Variants in TMEM232 observed in about 807,000 individuals in gnomAD.
TMEM232 encodes transmembrane protein 232.
TMEM232 carries 80 observed loss-of-function variants against 78.8 expected under a neutral mutation model. The ratio of observed to expected loss-of-function variants is 1.01; its 90% confidence interval spans 0.85 to 1.22. The LOEUF (loss-of-function observed/expected upper bound fraction) is 1.22. TMEM232 is among the 50% of genes most tolerant of loss of function. The probability of loss-of-function intolerance (pLI) is 0.00; values close to 1 mark genes in which losing one functional copy is unlikely to be tolerated. For synonymous variants in TMEM232, 297 were observed against 254.3 expected (o/e 1.17, Z -1.60); for missense variants, 881 against 742.2 (o/e 1.19, Z -2.17).
intron 5 of TMEM232, 104 bp from the exon 6 acceptor site, chr5:110,627,984 A>C: frequency 1.3e-6 from 1 of 768,876 alleles, no homozygotes; most frequent in Non-Finnish European, 2.1e-6. Context: ...CTTTTGAGAA[A>C]ACAATTTTAA....
At chr5:110,694,715 T>C (rs1794556219) in intron 1 of TMEM232, among the ~76,000 whole-genome samples, 2 of 151,834 alleles carry the variant, frequency 1.3e-5, no homozygotes, top group South Asian at 2.1e-4. Flanking sequence ...AGAAGGCCAT[T>C]ACATAATGGT....
rs1368826981 is a variant in TMEM232 at position 110,605,129 on chromosome 5, G to A, written c.1256C>T (p.Ser419Phe). The A allele has an allele frequency of 3.9e-6, 6 of 1,542,566 alleles. No individual in the cohort carries two copies. In the African/African-American group the frequency reaches 5.5e-5, roughly 14 times the overall value. ...TSILSLLEYF[S>F]SKMSENCDQV... Reference sequence around the variant, plus strand: ...CTTACAGTTCTCTGACATTTTTGAAGAGAAATATTCCAAAAGACTTAAAAT... The same window carrying A: ...CTTACAGTTCTCTGACATTTTTGAAAAGAAATATTCCAAAAGACTTAAAAT... The change falls in exon 10 of 14, where the codon TCT becomes TTT. Residue 419 changes from serine (S) to phenylalanine (F), a missense_variant. Coordinates refer to ENST00000455884, the MANE Select transcript of TMEM232 (RefSeq NM_001039763.4).
intron 2 of TMEM232, among the ~76,000 whole-genome samples, chr5:110,654,631 G>T (rs1788781340): frequency 6.6e-6 from 1 of 152,118 alleles, no homozygotes; most frequent in African/African-American, 2.4e-5. Flanking sequence ...GGTGATGTGG[G>T]CTCTTTTTTG....
At chr5:110,528,301 T>C (rs916257120) in intron 12 of TMEM232, among the ~76,000 whole-genome samples, 2 of 151,930 alleles carry the variant, frequency 1.3e-5, no homozygotes, top group African/African-American at 2.4e-5. Flanking sequence ...TCTTAAAATT[T>C]TGAATATTGA....
chr5:110,446,082 C>T (rs572508275), intron 12 of TMEM232, among the ~76,000 whole-genome samples: 1 of 152,232 alleles, frequency 6.6e-6, no homozygotes, highest in Non-Finnish European at 1.5e-5. Flanking sequence ...GAAGCCATTT[C>T]CTTGGCAGAA....
At chr5:110,737,052 T>C (rs1799251894) in intron 1 of TMEM232, among the ~76,000 whole-genome samples, 2 of 150,954 alleles carry the variant, frequency 1.3e-5, no homozygotes, top group African/African-American at 4.9e-5. Context: ...GCTTTTTTAA[T>C]ACAATCATGT....
intron 11 of TMEM232, among the ~76,000 whole-genome samples, chr5:110,559,385 T>C (rs1306507690): frequency 6.6e-6 from 1 of 152,112 alleles, no homozygotes; most frequent in Non-Finnish European, 1.5e-5. Context: ...TGAAATTAAA[T>C]TATTAACAGC....
At chr5:110,439,802 C>A (rs1209112275) in intron 12 of TMEM232, among the ~76,000 whole-genome samples, 1 of 152,084 alleles carries the variant, frequency 6.6e-6, no homozygotes, top group African/African-American at 2.4e-5. Context: ...CTGCCCCATT[C>A]GCAGACACAG....
At chr5:110,517,156 C>A (rs1317714845) in intron 12 of TMEM232, among the ~76,000 whole-genome samples, 1 of 152,082 alleles carries the variant, frequency 6.6e-6, no homozygotes, top group African/African-American at 2.4e-5. Context: ...AAAGACCTTT[C>A]AGGGATGAAA....
At chr5:110,492,979 T>C (rs17312117) in intron 12 of TMEM232, among the ~76,000 whole-genome samples, 11,094 of 151,860 alleles carry the variant, frequency 0.073, 891 homozygotes, top group African/African-American at 0.2. Context: ...TGTGCTATGA[T>C]TGATAACTAT....
chr5:110,725,359 C>T (rs1798049067), intron 1 of TMEM232, among the ~76,000 whole-genome samples: 1 of 152,202 alleles, frequency 6.6e-6, no homozygotes, highest in Non-Finnish European at 1.5e-5. Flanking sequence ...AGAACATCAT[C>T]TCCTAGAACT....
intron 5 of TMEM232, among the ~76,000 whole-genome samples, chr5:110,633,771 C>G (rs1785456638): frequency 6.6e-6 from 1 of 152,066 alleles, no homozygotes; most frequent in African/African-American, 2.4e-5. Context: ...TCAGGTGTTT[C>G]TTTATAGCAG....
chr5:110,548,714 A>T (rs928416059), intron 11 of TMEM232, among the ~76,000 whole-genome samples: 1 of 152,082 alleles, frequency 6.6e-6, no homozygotes, highest in African/African-American at 2.4e-5. Flanking sequence ...CAATTTGAAG[A>T]CAGTAATTTT....
chr5:110,627,427 GGA>G (rs1784560458), intron 6 of TMEM232, among the ~76,000 whole-genome samples: 1 of 151,976 alleles, frequency 6.6e-6, no homozygotes. Flanking sequence ...TGGGGAAGGG[GGA>G]GATATCAGAG....
intron 12 of TMEM232, among the ~76,000 whole-genome samples, chr5:110,527,105 G>A (rs150197594): frequency 6.6e-6 from 1 of 151,898 alleles, no homozygotes; most frequent in Non-Finnish European, 1.5e-5. Flanking sequence ...GGGATGGGGG[G>A]TAAATCAGGG....
chr5:110,409,373 C>G (rs895253863), intron 2 of TMEM232, among the ~76,000 whole-genome samples: 11 of 152,186 alleles, frequency 7.2e-5, no homozygotes, highest in African/African-American at 2.7e-4. Flanking sequence ...TAGCTGTGAT[C>G]AAGTTCATGC....
chr5:110,612,787 C>T (rs986798652), intron 8 of TMEM232, among the ~76,000 whole-genome samples: 2 of 152,122 alleles, frequency 1.3e-5, no homozygotes, highest in African/African-American at 2.4e-5. Context: ...GCCATACTGC[C>T]TTTCTCAGCA....
At chr5:110,387,624 ATAGAT>A (rs1755038290) in intron 5 of TMEM232, 1 of 152,216 alleles carries the variant, frequency 6.6e-6, no homozygotes, top group African/African-American at 2.4e-5. Context: ...AGTGGAAAGA[ATAGAT>A]TAAATATTAT....
chr5:110,649,080 G>A (rs539458627), intron 2 of TMEM232, among the ~76,000 whole-genome samples: 1 of 151,878 alleles, frequency 6.6e-6, no homozygotes, highest in Non-Finnish European at 1.5e-5. Flanking sequence ...AAGACCCAAA[G>A]GTAAGTATTC....
Sources: gnomAD v4.1 joint callset for allele counts (sites outside exome capture counted in the v4.1 genomes callset) on GRCh38, gnomAD v4.1.1 for gene constraint, MANE v1.5 for transcripts, NCBI Gene and HGNC (gene_info 2026-07-23, HGNC 2026-07-21) for gene names.